DENND5B: variants seen among roughly 807,000 people sequenced by gnomAD.
The protein encoded by DENND5B is DENN domain-containing protein 5B.
DENND5B carries 34 observed loss-of-function variants against 140.6 expected under a neutral mutation model. That is an observed-to-expected ratio of 0.24 (90% CI 0.18 to 0.32). DENND5B has a LOEUF of 0.32. Among genes scored for constraint, DENND5B ranks in the 10% least tolerant of loss-of-function variants. The pLI, the probability that DENND5B is intolerant of heterozygous loss-of-function variation, is 1.00. For synonymous variants in DENND5B, 551 were observed against 562.1 expected (o/e 0.98, Z 0.28); for missense variants, 1,142 against 1,560.2 (o/e 0.73, Z 4.52).
chr12:31,506,953 A>C lies in DENND5B; in HGVS notation c.128-11034T>G, dbSNP rs75473365. ...TTACTACATATGCACAACTGATTAA[A>C]TCATTGGCTACAAGACTAAGCTGAA... On this transcript the variant is annotated intron_variant, in intron 1 of 20. Transcript: ENST00000389082. Among the ~76,000 whole-genome samples, 1,216 of 152,300 alleles carry C rather than the reference A, an allele frequency of 8.0e-3. 8 individuals carry two copies. Among genetic ancestry groups the C allele is most frequent in the African/African-American group, 0.028 (1,171 of 41,558 alleles).
chr12:31,462,793 T>C (rs1945080165), intron 3 of DENND5B, among the ~76,000 whole-genome samples: 1 of 152,136 alleles, frequency 6.6e-6, no homozygotes, highest in Non-Finnish European at 1.5e-5. Context: ...ACCCCATTTC[T>C]ACTAAAAATA....
intron 16 of DENND5B, among the ~76,000 whole-genome samples, chr12:31,399,152 G>GAAAAAAAAAAA (rs1941654883): frequency 1.4e-5 from 1 of 72,288 alleles, no homozygotes; most frequent in Non-Finnish European, 2.9e-5. Flanking sequence ...AAAAGAGAGA[G>GAAAAAAAAAAA]AAAGAAAAAA....
intron 1 of DENND5B, among the ~76,000 whole-genome samples, chr12:31,497,419 T>C (rs940499901): frequency 1.3e-5 from 2 of 152,000 alleles, no homozygotes; most frequent in African/African-American, 4.8e-5. Context: ...CAGACATCCT[T>C]AAGGAGAGTT....
intron 4 of DENND5B, among the ~76,000 whole-genome samples, chr12:31,454,406 C>T (rs749968287): frequency 1.2e-4 from 18 of 152,240 alleles, no homozygotes; most frequent in Admixed American, 5.2e-4. Flanking sequence ...GCTGAAATGT[C>T]GCATCTTGCT....
chr12:31,471,471 T>TTC (rs1945559237), intron 3 of DENND5B, among the ~76,000 whole-genome samples: 1 of 148,144 alleles, frequency 6.8e-6, no homozygotes, highest in Admixed American at 6.8e-5. Flanking sequence ...ATTTTTTTTT[T>TTC]TTTTTTTTTT....
Position 31,451,932 on chromosome 12 carries a change from CT to C in DENND5B, c.1629+7del. Reference sequence around the variant, plus strand: ...TAACCACAAAAGGAAAACTATGGTTCTTTTTACTTTGTCAAAGTTCTGCATC... The same window carrying C: ...TAACCACAAAAGGAAAACTATGGTTCTTTTACTTTGTCAAAGTTCTGCATC... On this transcript the variant is annotated splice_region_variant and intron_variant, in intron 5 of 20. Transcript: ENST00000389082. 1 of 1,612,648 alleles carries C rather than the reference CT, an allele frequency of 6.2e-7. No homozygotes were observed. The highest frequency in any genetic ancestry group is 8.5e-7 in the Non-Finnish European group (1 of 1,179,548).
At chr12:31,566,247 G>T (rs928890410) in intron 1 of DENND5B, among the ~76,000 whole-genome samples, 13 of 152,254 alleles carry the variant, frequency 8.5e-5, no homozygotes, top group African/African-American at 2.9e-4. Flanking sequence ...TTGAGCCCAG[G>T]AGTTCGAGGC....
chr12:31,502,349 A>C (rs1947043111), intron 1 of DENND5B, among the ~76,000 whole-genome samples: 2 of 152,166 alleles, frequency 1.3e-5, no homozygotes, highest in South Asian at 4.1e-4. Flanking sequence ...CATTATATTC[A>C]ATCTTATAAG....
rs143241018 is a variant in DENND5B, at chr12:31,495,794, GA to G, written c.237+15del. On this transcript the variant is annotated intron_variant, in intron 2 of 20. Transcript: ENST00000389082. ...AACAAGGCTAAAGAGTAAATGAGGG[GA>G]AAAAAAACACATACCATGTTCACCG... 899,890 of 1,570,512 alleles carry G rather than the reference GA, an allele frequency of 0.57. 261,687 individuals carry two copies. The highest frequency in any genetic ancestry group is 0.73 in the Admixed American group (40,346 of 55,118).
chr12:31,521,758 T>C (rs1947899571), intron 1 of DENND5B, among the ~76,000 whole-genome samples: 1 of 152,174 alleles, frequency 6.6e-6, no homozygotes, highest in South Asian at 2.1e-4. Flanking sequence ...CTAAGTTCCG[T>C]TCCATCCCCA....
chr12:31,497,787 A>G (rs1591926327), intron 1 of DENND5B, among the ~76,000 whole-genome samples: 2 of 34,348 alleles, frequency 5.8e-5, no homozygotes, highest in South Asian at 2.0e-3. Context: ...GGGAGGGTGG[A>G]GGGGGAGGGG....
intron 1 of DENND5B, among the ~76,000 whole-genome samples, chr12:31,521,895 A>G (rs749682740): frequency 1.2e-4 from 18 of 152,226 alleles, no homozygotes; most frequent in African/African-American, 2.2e-4. Flanking sequence ...TCTGATCATT[A>G]TAATCCCCTG....
chr12:31,471,028 A>G (rs1188704868), intron 3 of DENND5B, among the ~76,000 whole-genome samples: 2 of 152,198 alleles, frequency 1.3e-5, no homozygotes, highest in Non-Finnish European at 2.9e-5. Context: ...CCAACAGAAA[A>G]AAGTTAAATA....
intron 1 of DENND5B, among the ~76,000 whole-genome samples, chr12:31,584,554 C>T (rs1950326886): frequency 6.6e-6 from 1 of 152,110 alleles, no homozygotes; most frequent in African/African-American, 2.4e-5. Context: ...GGCTCACTGC[C>T]TGTAATCCCA....
At chr12:31,509,166 T>C (rs1947314288) in intron 1 of DENND5B, among the ~76,000 whole-genome samples, 1 of 152,172 alleles carries the variant, frequency 6.6e-6, no homozygotes, top group Non-Finnish European at 1.5e-5. Context: ...TGACTTTTAC[T>C]ATCCACCAAG....
chr12:31,409,976 C>T (rs1316537172), intron 13 of DENND5B, among the ~76,000 whole-genome samples: 1 of 152,160 alleles, frequency 6.6e-6, no homozygotes, highest in African/African-American at 2.4e-5. Flanking sequence ...TCCTCTTAGA[C>T]AAACACCTTT....
intron 7 of DENND5B, among the ~76,000 whole-genome samples, chr12:31,437,655 T>C (rs996114838): frequency 3.9e-5 from 6 of 152,204 alleles, no homozygotes; most frequent in African/African-American, 1.2e-4. Flanking sequence ...TTTGAGTTAA[T>C]TGCAGATCGT....
At chr12:31,587,529 T>C (rs1950437727) in intron 1 of DENND5B, among the ~76,000 whole-genome samples, 1 of 9,240 alleles carries the variant, frequency 1.1e-4, no homozygotes, top group African/African-American at 9.4e-4. Context: ...CAAATACCTT[T>C]TTTTTTTTTT....
chr12:31,428,051 T>A (rs151263882), intron 8 of DENND5B, among the ~76,000 whole-genome samples: 54 of 152,294 alleles, frequency 3.5e-4, no homozygotes, highest in African/African-American at 1.3e-3. Context: ...CAAAATAATG[T>A]TTTTTTCCAG....
Sources: gnomAD v4.1 joint callset for allele counts (sites outside exome capture counted in the v4.1 genomes callset) on GRCh38, gnomAD v4.1.1 for gene constraint, MANE v1.5 for transcripts, NCBI Gene and HGNC (gene_info 2026-07-23, HGNC 2026-07-21) for gene names.